The following CYP2J2 variants were observed in gnomAD, a reference collection of about 807,000 sequenced individuals.
The protein encoded by CYP2J2 is cytochrome P450 family 2 subfamily J member 2.
A neutral mutation model predicts 48.8 loss-of-function variants in CYP2J2; 41 were observed. The ratio of observed to expected loss-of-function variants is 0.84; its 90% confidence interval spans 0.66 to 1.09. CYP2J2 has a LOEUF of 1.09. Ranked by LOEUF, CYP2J2 falls within the 50% of genes least tolerant of loss-of-function variation. The pLI, the probability that CYP2J2 is intolerant of heterozygous loss-of-function variation, is 0.00. For synonymous variants in CYP2J2, 221 were observed against 227.1 expected (o/e 0.97, Z 0.24); for missense variants, 644 against 617.3 (o/e 1.04, Z -0.46).
At chr1:59,919,149 G>A (rs558076328) in intron 1 of CYP2J2, among the ~76,000 whole-genome samples, 5 of 149,934 alleles carry the variant, frequency 3.3e-5, no homozygotes, top group South Asian at 2.1e-4. Flanking sequence ...GTGTGACAGC[G>A]AGAGAGAGAG....
the CYP2J2 span, among the ~76,000 whole-genome samples, chr1:59,945,428 ATCTATCTATCTATCTC>A: frequency 7.0e-6 from 1 of 143,150 alleles, no homozygotes; most frequent in Non-Finnish European, 1.6e-5. Context: ...CTATCTATCT[ATCTATCTATCTATCTC>A]TCTATCTATC....
intron 6 of CYP2J2, among the ~76,000 whole-genome samples, chr1:59,906,891 T>G (rs999199608): frequency 6.6e-5 from 10 of 152,362 alleles, no homozygotes; most frequent in African/African-American, 2.4e-4. Context: ...ACTCTGATCT[T>G]TTCTATTTTT....
At chr1:59,900,856 G>T in intron 8 of CYP2J2, 109 bp downstream of exon 8, 1 of 1,305,152 alleles carries the variant, frequency 7.7e-7, no homozygotes, top group South Asian at 1.4e-5. Flanking sequence ...AGTCGCACTG[G>T]CCAGGCTGTC....
chr1:59,938,959 T>G, the CYP2J2 span, among the ~76,000 whole-genome samples: 2 of 152,224 alleles, frequency 1.3e-5, no homozygotes, highest in African/African-American at 4.8e-5. Context: ...ACATCCTGCA[T>G]AGCCGTAGAT....
At chr1:59,925,609 T>G (rs1644556790) in intron 1 of CYP2J2, among the ~76,000 whole-genome samples, 1 of 152,242 alleles carries the variant, frequency 6.6e-6, no homozygotes, top group African/African-American at 2.4e-5. Flanking sequence ...AGTTTTAACA[T>G]TCTGTGGCTA....
rs1422259684 is a variant in CYP2J2 at position 59,916,103 on chromosome 1, GAA to G, written c.211-5_211-4del. On this transcript the variant is annotated splice_polypyrimidine_tract_variant and splice_region_variant and intron_variant, in intron 1 of 8. Transcript: ENST00000371204. ...AGGTTCCCATATTTCTTCACAAACT[GAA>G]AAATAGTTAAATCGTAACAGTTGAA... 4 of 1,603,778 alleles carry G rather than the reference GAA, an allele frequency of 2.5e-6. No individual in the cohort carries two copies. Among genetic ancestry groups the G allele is most frequent in the Non-Finnish European group, 3.4e-6 (4 of 1,175,564 alleles).
At chr1:59,894,880 C>T (rs2102099239) in intron 8 of CYP2J2, among the ~76,000 whole-genome samples, 1 of 152,274 alleles carries the variant, frequency 6.6e-6, no homozygotes, top group East Asian at 1.9e-4. Context: ...GGTAGCATTA[C>T]TCAAACAGCT....
intron 1 of CYP2J2, among the ~76,000 whole-genome samples, chr1:59,921,478 A>AT (rs1644514750): frequency 6.6e-6 from 1 of 152,084 alleles, no homozygotes; most frequent in Non-Finnish European, 1.5e-5. Flanking sequence ...GCAGATGATC[A>AT]TAGCTCTGGG....
chr1:59,917,798 G>A (rs1449166502), intron 1 of CYP2J2, among the ~76,000 whole-genome samples: 1 of 152,148 alleles, frequency 6.6e-6, no homozygotes, highest in African/African-American at 2.4e-5. Flanking sequence ...TTTTCTGCCT[G>A]GGTTGTGTCT....
upstream of CYP2J2, among the ~76,000 whole-genome samples, chr1:59,931,391 G>A (rs138603005): frequency 7.6e-3 from 1,156 of 152,094 alleles, 15 homozygotes; most frequent in Non-Finnish European, 0.011. Flanking sequence ...CAAGTTCTCA[G>A]CATTGTATTA....
In CYP2J2 at chr1:59,912,233, C is replaced by A; in HGVS notation, c.452G>T (p.Gly151Val). Reference protein sequence around the residue: ...TLTALRNFGLGKKSLEERIQE... With the variant: ...TLTALRNFGLVKKSLEERIQE... Reference sequence around the variant, plus strand: ...AATGCGTTCCTCTAAGCTCTTCTTTCCTAAACCAAAGTTCCTTAGTGCTGT... The same window carrying A: ...AATGCGTTCCTCTAAGCTCTTCTTTACTAAACCAAAGTTCCTTAGTGCTGT... Residue 151 changes from glycine to valine, a missense_variant, in exon 3 of 9, where the codon GGA becomes GTA. Gly to Val is a moderately radical substitution (Grantham distance 109). Coordinates refer to ENST00000371204, the MANE Select transcript of CYP2J2 (RefSeq NM_000775.4). 1 of 1,613,928 alleles carries A rather than the reference C, an allele frequency of 6.2e-7. No individual in the cohort carries two copies. The highest frequency in any genetic ancestry group is 8.5e-7 in the Non-Finnish European group (1 of 1,179,854).
the CYP2J2 span, among the ~76,000 whole-genome samples, chr1:59,957,554 C>A: frequency 1.3e-5 from 2 of 152,068 alleles, no homozygotes; most frequent in Non-Finnish European, 2.9e-5. Flanking sequence ...TCAGTAAAGG[C>A]CTGTAGTGAA....
chr1:59,959,611 GTATATATGTGA>G, the CYP2J2 span, among the ~76,000 whole-genome samples: 83 of 151,208 alleles, frequency 5.5e-4, 1 homozygote, highest in South Asian at 0.013. Context: ...TGCTATATAT[GTATATATGTGA>G]TATATATGTG....
the CYP2J2 span, among the ~76,000 whole-genome samples, chr1:59,943,601 T>C: frequency 2.6e-5 from 4 of 152,106 alleles, no homozygotes; most frequent in Non-Finnish European, 5.9e-5. Context: ...TCGATGAGTA[T>C]ATGCCATGAT....
the CYP2J2 span, among the ~76,000 whole-genome samples, chr1:59,959,628 AT>A: frequency 1.3e-5 from 2 of 150,758 alleles, no homozygotes; most frequent in African/African-American, 2.4e-5. Context: ...TGTGATATAT[AT>A]GTGTGTGATA....
chr1:59,918,179 T>C (rs1031580648), intron 1 of CYP2J2, among the ~76,000 whole-genome samples: 1 of 152,182 alleles, frequency 6.6e-6, no homozygotes, highest in Middle Eastern at 3.2e-3. Flanking sequence ...ACCATACACA[T>C]TAAGCAATTT....
At chr1:59,921,574 C>T (rs1315389460) in intron 1 of CYP2J2, among the ~76,000 whole-genome samples, 3 of 152,016 alleles carry the variant, frequency 2.0e-5, no homozygotes. Context: ...TATAAACGCC[C>T]TTATCTTGCC....
chr1:59,905,230 T>G (rs1644355507), intron 6 of CYP2J2, among the ~76,000 whole-genome samples, 172 bp from the exon 7 acceptor site: 2 of 152,202 alleles, frequency 1.3e-5, no homozygotes, highest in Admixed American at 1.3e-4. Flanking sequence ...ACCACCTCTG[T>G]AAATCTCCTT....
chr1:59,938,716 C>T, the CYP2J2 span, among the ~76,000 whole-genome samples: 1 of 152,184 alleles, frequency 6.6e-6, no homozygotes, highest in African/African-American at 2.4e-5. Flanking sequence ...TACTAATCCT[C>T]CTCAGCACAG....
Sources: gnomAD v4.1 joint callset for allele counts (sites outside exome capture counted in the v4.1 genomes callset) on GRCh38, gnomAD v4.1.1 for gene constraint, MANE v1.5 for transcripts, NCBI Gene and HGNC (gene_info 2026-07-23, HGNC 2026-07-21) for gene names.